Variants in EXOC4 observed in about 807,000 individuals in gnomAD.
EXOC4 encodes the protein SEC8-like 1.
In EXOC4, 71 loss-of-function variants were observed where a neutral mutation model predicts 107.2. The observed-to-expected ratio is 0.66, with a 90% CI of 0.55 to 0.81. The LOEUF is 0.81. EXOC4 is among the 30% of genes least tolerant of loss of function. The pLI is 0.00. For synonymous variants in EXOC4, 456 were observed against 441.2 expected (o/e 1.03, Z -0.42); for missense variants, 1,108 against 1,189.6 (o/e 0.93, Z 1.01).
chr7:133,765,489 A>T (rs1017010057), intron 10 of EXOC4, among the ~76,000 whole-genome samples: 1 of 152,014 alleles, frequency 6.6e-6, no homozygotes, highest in African/African-American at 2.4e-5. Flanking sequence ...GTGTCTCCAG[A>T]TGTGCCCTGT....
At chr7:133,300,504 C>T (rs986241815) in intron 3 of EXOC4, among the ~76,000 whole-genome samples, 3 of 152,140 alleles carry the variant, frequency 2.0e-5, no homozygotes, top group Non-Finnish European at 4.4e-5. Context: ...CTTATTCCCC[C>T]GACCACCATT....
intron 9 of EXOC4, among the ~76,000 whole-genome samples, chr7:133,524,079 A>T (rs1228261376): frequency 7.0e-6 from 1 of 142,312 alleles, no homozygotes; most frequent in Non-Finnish European, 1.5e-5. Context: ...AAGTGTTCCT[A>T]TTTCTCCACA....
At chr7:133,936,082 C>A (rs1191256632) in intron 13 of EXOC4, among the ~76,000 whole-genome samples, 1 of 152,136 alleles carries the variant, frequency 6.6e-6, no homozygotes, top group Non-Finnish European at 1.5e-5. Context: ...ACTTTTCAGA[C>A]AAGCAGCCTG....
At chr7:133,933,784 T>A in intron 13 of EXOC4, among the ~76,000 whole-genome samples, 1 of 152,182 alleles carries the variant, frequency 6.6e-6, no homozygotes, top group African/African-American at 2.4e-5. Flanking sequence ...AAGTAACTAA[T>A]ACCCAATGTC....
At chr7:133,423,940 C>G (rs895652827) in intron 7 of EXOC4, among the ~76,000 whole-genome samples, 1 of 152,142 alleles carries the variant, frequency 6.6e-6, no homozygotes. Flanking sequence ...CGAGTGCTAG[C>G]GAGAGGTGAA....
At chr7:133,303,002 C>T (rs986425847) in intron 3 of EXOC4, among the ~76,000 whole-genome samples, 2 of 152,150 alleles carry the variant, frequency 1.3e-5, no homozygotes, top group African/African-American at 4.8e-5. Flanking sequence ...AATCTCAAAT[C>T]TTAGTAAATA....
At chr7:133,858,871 TCTTGTTGCAG>T (rs964288988) in intron 11 of EXOC4, among the ~76,000 whole-genome samples, 8 of 152,148 alleles carry the variant, frequency 5.3e-5, no homozygotes, top group African/African-American at 7.2e-5. Flanking sequence ...GCAAGTGGCA[TCTTGTTGCAG>T]CTTGCTATCC....
At chr7:133,883,277 TCTTTGCCCA>T (rs1344431166) in intron 11 of EXOC4, among the ~76,000 whole-genome samples, 5 of 152,062 alleles carry the variant, frequency 3.3e-5, no homozygotes, top group African/African-American at 1.2e-4. Context: ...TACCACAATT[TCTTTGCCCA>T]CTTTGCCCAC....
chr7:133,904,050 G>C (rs1486109611), intron 12 of EXOC4, among the ~76,000 whole-genome samples: 2 of 152,212 alleles, frequency 1.3e-5, no homozygotes, highest in Non-Finnish European at 2.9e-5. Flanking sequence ...ACTGGGAGTA[G>C]AGGAAGGGTA....
chr7:133,520,303 C>G (rs1799955953), intron 9 of EXOC4, among the ~76,000 whole-genome samples: 1 of 152,232 alleles, frequency 6.6e-6, no homozygotes, highest in African/African-American at 2.4e-5. Flanking sequence ...GTATCAGTCT[C>G]ACTTGGGGTG....
intron 10 of EXOC4, among the ~76,000 whole-genome samples, chr7:133,781,631 G>T (rs1159746013): frequency 6.6e-6 from 1 of 152,230 alleles, no homozygotes; most frequent in East Asian, 1.9e-4. Flanking sequence ...TCGAAGCCCA[G>T]CTGCCCACGT....
At chr7:133,811,249 T>A (rs781009686) in intron 10 of EXOC4, among the ~76,000 whole-genome samples, 172 of 152,320 alleles carry the variant, frequency 1.1e-3, no homozygotes, top group Middle Eastern at 3.4e-3. Flanking sequence ...GCTCCATCTG[T>A]GTTCTAACTT....
chr7:134,098,073 T>C, the EXOC4 span, among the ~76,000 whole-genome samples: 1 of 152,214 alleles, frequency 6.6e-6, no homozygotes, highest in East Asian at 1.9e-4. Context: ...CAACATAAAG[T>C]CTGAGACCAA....
chr7:133,751,518 T>C (rs1189882622), intron 10 of EXOC4, among the ~76,000 whole-genome samples: 2 of 152,168 alleles, frequency 1.3e-5, no homozygotes, highest in Non-Finnish European at 2.9e-5. Flanking sequence ...TTTCTTTTCA[T>C]TCAAGTTTAA....
intron 14 of EXOC4, among the ~76,000 whole-genome samples, chr7:133,976,912 T>C (rs1176680930): frequency 6.6e-6 from 1 of 152,244 alleles, no homozygotes; most frequent in Non-Finnish European, 1.5e-5. Flanking sequence ...TTTCACTTTT[T>C]AAAAGTGAAT....
chr7:133,844,954 T>A (rs568082197), intron 11 of EXOC4, among the ~76,000 whole-genome samples: 207 of 152,292 alleles, frequency 1.4e-3, no homozygotes, highest in African/African-American at 4.5e-3. Context: ...TTTCATTGTA[T>A]CAAATATGAA....
intron 6 of EXOC4, among the ~76,000 whole-genome samples, chr7:133,362,772 C>G (rs1278462680): frequency 1.3e-5 from 2 of 151,982 alleles, no homozygotes; most frequent in African/African-American, 4.8e-5. Context: ...TTTTTTAGAC[C>G]TGTGGCTAGA....
At chr7:133,755,262 TATTA>T (rs1795883568) in intron 10 of EXOC4, among the ~76,000 whole-genome samples, 1 of 114,040 alleles carries the variant, frequency 8.8e-6, no homozygotes, top group Non-Finnish European at 1.7e-5. Context: ...ATTATATATA[TATTA>T]TATATATTAT....
intron 10 of EXOC4, among the ~76,000 whole-genome samples, chr7:133,788,985 C>T (rs1585146464): frequency 6.6e-6 from 1 of 152,182 alleles, no homozygotes; most frequent in African/African-American, 2.4e-5. Context: ...ACTGCTGCCC[C>T]TCTGAATCAG....
Sources: allele counts gnomAD v4.1 joint callset (sites outside exome capture counted in the v4.1 genomes callset), GRCh38; gene constraint gnomAD v4.1.1; transcripts MANE v1.5; gene names NCBI Gene and HGNC (gene_info 2026-07-23, HGNC 2026-07-21).